Variants in DLGAP1 observed in about 807,000 individuals in gnomAD.
DLGAP1 encodes disks large-associated protein 1.
In DLGAP1, 11 loss-of-function variants were observed where a neutral mutation model predicts 90.8. That is an observed-to-expected ratio of 0.12 (90% confidence interval 0.08 to 0.20). The LOEUF is 0.20. DLGAP1 is among the 10% of genes least tolerant of loss of function. The pLI is 1.00. For missense variants in DLGAP1, 1,050 were observed against 1,333.8 expected, an observed-to-expected ratio of 0.79 and a Z score of 3.31; for synonymous variants, 558 against 540.7, an observed-to-expected ratio of 1.03 and a Z score of -0.44.
Position 3,783,711 on chromosome 18 carries a change from T to C in DLGAP1, c.1172+30348A>G, listed in dbSNP as rs777957880. Among the ~76,000 whole-genome samples, 10 of 152,236 alleles carry C rather than the reference T, an allele frequency of 6.6e-5. 1 individual carries two copies. Among genetic ancestry groups the C allele is most frequent in the Middle Eastern group, 6.8e-3 (2 of 294 alleles). ...AATTGATAGTGGTGGTGCACAGCTG[T>C]GAAGATACAAAAAACCATTGCATCG... On this transcript the variant is annotated intron_variant, in intron 5 of 12. Coordinates refer to ENST00000315677, the MANE Select transcript of DLGAP1 (RefSeq NM_004746.4).
chr18:3,592,852 A>G (rs1210302668), intron 7 of DLGAP1, among the ~76,000 whole-genome samples: 297 of 127,392 alleles, frequency 2.3e-3, no homozygotes, highest in African/African-American at 9.2e-3. Context: ...TCAAAAAAAA[A>G]AAAAAAAAAA....
intron 9 of DLGAP1, among the ~76,000 whole-genome samples, chr18:3,542,863 C>T (rs527619745): frequency 6.6e-6 from 1 of 152,192 alleles, no homozygotes; most frequent in Non-Finnish European, 1.5e-5. Flanking sequence ...CACACTTATT[C>T]ACACTTATCT....
chr18:3,501,801 G>A (rs542053087), intron 12 of DLGAP1, among the ~76,000 whole-genome samples: 4 of 152,102 alleles, frequency 2.6e-5, no homozygotes, highest in Admixed American at 2.6e-4. Context: ...ATACCCGTGT[G>A]AGCCTCGTGG....
Position 4,291,315 on chromosome 18 carries a change from AG to A in DLGAP1, c.-266-140029del, listed in dbSNP as rs546717840. ...GGCATTTCTTTGGTTTTGTCCAGAG[AG>A]GGGTAACCCTGCGTCATCATGGCTC... is the stretch of plus-strand genomic sequence containing the variant. On this transcript the variant is annotated intron_variant, in intron 1 of 12. Coordinates refer to ENST00000315677, the MANE Select transcript of DLGAP1 (RefSeq NM_004746.4). 3.7e-3 allele frequency among the ~76,000 whole-genome samples: 560 copies of A among 152,310 alleles called. 1 individual carries two copies. The highest frequency in any genetic ancestry group is 8.6e-3 in the Admixed American group (132 of 15,290).
At chr18:4,106,552 G>A (rs751887309) in intron 2 of DLGAP1, among the ~76,000 whole-genome samples, 1 of 152,162 alleles carries the variant, frequency 6.6e-6, no homozygotes, top group Non-Finnish European at 1.5e-5. Flanking sequence ...GCCCAGGTTT[G>A]CTAAAATAAA....
intron 1 of DLGAP1, among the ~76,000 whole-genome samples, chr18:4,194,743 C>T (rs557439378): frequency 1.4e-4 from 21 of 152,100 alleles, no homozygotes; most frequent in Non-Finnish European, 3.1e-4. Context: ...AAGATACCTT[C>T]TATCATTTAA....
At chr18:3,909,235 C>A (rs2071979716) in intron 3 of DLGAP1, among the ~76,000 whole-genome samples, 1 of 152,196 alleles carries the variant, frequency 6.6e-6, no homozygotes, top group South Asian at 2.1e-4. Flanking sequence ...CTAAGTGAGA[C>A]TTTCTACCAT....
chr18:4,328,039 T>C (rs187789087), intron 1 of DLGAP1, among the ~76,000 whole-genome samples: 1 of 152,042 alleles, frequency 6.6e-6, no homozygotes, highest in Non-Finnish European at 1.5e-5. Flanking sequence ...CTCTTATCTA[T>C]TTTCTTAAGA....
intron 4 of DLGAP1, among the ~76,000 whole-genome samples, chr18:3,843,614 G>A (rs1217568098): frequency 2.0e-5 from 3 of 152,284 alleles, no homozygotes; most frequent in African/African-American, 7.2e-5. Context: ...AGCATGCTCT[G>A]GAGCGATGAG....
chr18:3,876,277 C>T (rs2071001646), intron 4 of DLGAP1, among the ~76,000 whole-genome samples: 1 of 152,108 alleles, frequency 6.6e-6, no homozygotes, highest in African/African-American at 2.4e-5. Context: ...GAATATATGG[C>T]TCTTTCTTCC....
In DLGAP1 at chr18:4,386,945, G is replaced by A. The variant is rs566253841; in HGVS notation, c.-267+68061C>T. 2.6e-5 allele frequency among the ~76,000 whole-genome samples: 4 copies of A among 152,312 alleles called. No homozygotes were observed. The South Asian group carries it at 8.3e-4, about 32-fold the overall frequency. On this transcript the variant is annotated intron_variant, in intron 1 of 12. Transcript: ENST00000315677. ...TCTGTGGAGCATGACTGTTTGGGGT[G>A]AAAGAGAAATGTGGCCTCTATAATA... is the stretch of plus-strand genomic sequence containing the variant.
At chr18:3,892,560 T>C (rs1359459765) in intron 3 of DLGAP1, among the ~76,000 whole-genome samples, 1 of 152,224 alleles carries the variant, frequency 6.6e-6, no homozygotes, top group Non-Finnish European at 1.5e-5. Context: ...ATGGAGATGA[T>C]AGGCTTCATC....
At chr18:4,317,736 T>C (rs560154780) in intron 1 of DLGAP1, among the ~76,000 whole-genome samples, 4 of 152,368 alleles carry the variant, frequency 2.6e-5, no homozygotes, top group African/African-American at 9.6e-5. Flanking sequence ...AGCTGAAGCA[T>C]AATTGGAACT....
At chr18:4,330,285 A>G (rs2080919134) in intron 1 of DLGAP1, among the ~76,000 whole-genome samples, 1 of 149,356 alleles carries the variant, frequency 6.7e-6, no homozygotes, top group Non-Finnish European at 1.5e-5. Flanking sequence ...GGATTTGTCA[A>G]TTTTATTAAT....
At chr18:4,066,576 C>T (rs2075373094) in intron 2 of DLGAP1, among the ~76,000 whole-genome samples, 1 of 151,996 alleles carries the variant, frequency 6.6e-6, no homozygotes, top group African/African-American at 2.4e-5. Flanking sequence ...TGAAAAATAC[C>T]TCAACATTAC....
intron 1 of DLGAP1, among the ~76,000 whole-genome samples, chr18:4,430,268 C>T (rs1397995286): frequency 6.6e-6 from 1 of 152,108 alleles, no homozygotes; most frequent in African/African-American, 2.4e-5. Flanking sequence ...TTTTTAAACA[C>T]ATCACCTTAA....
intron 5 of DLGAP1, among the ~76,000 whole-genome samples, chr18:3,788,078 T>C (rs2065543307): frequency 6.6e-6 from 1 of 152,224 alleles, no homozygotes; most frequent in Admixed American, 6.5e-5. Context: ...TTCAAGCTCA[T>C]TGGATTCCCC....
In DLGAP1 at chr18:3,653,940, C is replaced by G. The variant is rs2059396875; in HGVS notation, c.1592-71692G>C. The G allele has an allele frequency of 6.7e-6, 1 of 149,342 alleles. No individual in the cohort carries two copies. Among genetic ancestry groups the G allele is most frequent in the Non-Finnish European group, 1.5e-5 (1 of 67,954 alleles). 9.3% of individuals were successfully genotyped at this position (149,342 alleles called of 1,614,324 possible). On this transcript the variant is annotated intron_variant, in intron 7 of 12. Coordinates refer to ENST00000315677, the MANE Select transcript of DLGAP1 (RefSeq NM_004746.4). The surrounding 1 kb of genome is among the most constrained non-coding windows in gnomAD (Gnocchi z 4.6). ...GACCATCTGAGGTTTGATTTCTCATCAAGAGATAGTGTCCGACACACGTGC... is the reference window on the plus strand; with the variant it reads ...GACCATCTGAGGTTTGATTTCTCATGAAGAGATAGTGTCCGACACACGTGC...
At chr18:3,972,390 T>G (rs183741568) in intron 3 of DLGAP1, among the ~76,000 whole-genome samples, 5 of 152,094 alleles carry the variant, frequency 3.3e-5, no homozygotes, top group Admixed American at 2.0e-4. Context: ...TATATCAGTT[T>G]ATATATAACT....
Sources: gnomAD v4.1 joint callset for allele counts (sites outside exome capture counted in the v4.1 genomes callset) on GRCh38, gnomAD v4.1.1 for gene constraint, Gnocchi (gnomAD v3.1) non-coding constraint, MANE v1.5 for transcripts, NCBI Gene and HGNC (gene_info 2026-07-23, HGNC 2026-07-21) for gene names.